The following TNFRSF9 variants were observed in gnomAD, a reference collection of about 807,000 sequenced individuals.
TNFRSF9 encodes the protein TNF receptor superfamily member 9.
Under a neutral mutation model 28.8 loss-of-function variants are expected in TNFRSF9, and 16 were observed. That is an observed-to-expected ratio of 0.55 (90% CI 0.38 to 0.84). The LOEUF (loss-of-function observed/expected upper bound fraction) is 0.84, where lower values mean the gene tolerates loss of function less well. Ranked by LOEUF, TNFRSF9 falls within the 40% of genes least tolerant of loss-of-function variation. The pLI is 0.00. For missense variants in TNFRSF9, 303 were observed against 315.0 expected (o/e 0.96, Z 0.29); for synonymous variants, 131 against 117.0 (o/e 1.12, Z -0.77).
chr1:7,940,440 A>C lies in TNFRSF9; in HGVS notation c.-85+344T>G, dbSNP rs894352365. ...CTGAAATAAACTCCTTACAAAGAGA[A>C]TCTGTCAGGGGCATCAGACAATTCA... On this transcript the variant is annotated intron_variant, in intron 1 of 7. Coordinates refer to ENST00000377507, the MANE Select transcript of TNFRSF9 (RefSeq NM_001561.6). Among the ~76,000 whole-genome samples the C allele has an allele frequency of 3.9e-5, 6 of 152,346 alleles. No homozygotes were observed. In the South Asian group the frequency reaches 1.2e-3, roughly 32 times the overall value.
chr1:7,924,987 T>G (rs1639622532), intron 7 of TNFRSF9, among the ~76,000 whole-genome samples: 1 of 152,276 alleles, frequency 6.6e-6, no homozygotes, highest in East Asian at 1.9e-4. Flanking sequence ...TAAGAGTTAT[T>G]ACAAAAGAGT....
At chr1:7,934,970 A>G in intron 6 of TNFRSF9, 43 bp downstream of exon 6, 2 of 1,606,432 alleles carry the variant, frequency 1.2e-6, no homozygotes, top group Non-Finnish European at 1.7e-6. Flanking sequence ...ATCTGGAATC[A>G]CCATAAGATA....
intron 7 of TNFRSF9, among the ~76,000 whole-genome samples, chr1:7,922,988 C>T (rs529780386): frequency 6.6e-6 from 1 of 151,222 alleles, no homozygotes; most frequent in Admixed American, 6.6e-5. Flanking sequence ...CTGCAACCTC[C>T]GCCTCTTGGG....
intron 7 of TNFRSF9, 23 bp from the exon 8 acceptor site, chr1:7,920,946 C>T (rs370323408): frequency 3.3e-5 from 51 of 1,524,508 alleles, no homozygotes; most frequent in Non-Finnish European, 4.4e-5. Flanking sequence ...TTTTAAGATA[C>T]GTATATTTTG....
rs575433053 is a variant in TNFRSF9 at position 7,931,057 on chromosome 1, A to G, written c.679+2105T>C. On this transcript the variant is annotated intron_variant, in intron 7 of 7. Transcript: ENST00000377507. Reference sequence around the variant, plus strand: ...AACCTCACTAGCAACCAGGAAGTGTAAGTTAAAACCACAATGAGATACAAC... The same window carrying G: ...AACCTCACTAGCAACCAGGAAGTGTGAGTTAAAACCACAATGAGATACAAC... 1.2e-4 allele frequency among the ~76,000 whole-genome samples: 19 copies of G among 152,334 alleles called. No homozygotes were observed. The East Asian group carries it at 3.5e-3, about 28-fold the overall frequency.
Position 7,920,848 on chromosome 1 carries a change from C to A in TNFRSF9, c.755G>T (p.Gly252Val), listed in dbSNP as rs113310001. Residue 252 changes from glycine to valine, a missense_variant, in exon 8 of 8, where the codon GGA becomes GTA. Coordinates refer to ENST00000377507, the MANE Select transcript of TNFRSF9 (RefSeq NM_001561.6). ...TTGACTTCCATTTCACAGTTCACAT[C>A]CTCCTTCTTCTTCTTCTGGAAATCG... ...SCRFPEEEEG[G>V]CEL The A allele has an allele frequency of 1.2e-6, 2 of 1,613,404 alleles. No individual in the cohort carries two copies. Among genetic ancestry groups the A allele is most frequent in the African/African-American group, 1.3e-5 (1 of 74,932 alleles).
intron 7 of TNFRSF9, among the ~76,000 whole-genome samples, chr1:7,932,944 G>C (rs964266855): frequency 6.6e-6 from 1 of 152,104 alleles, no homozygotes; most frequent in South Asian, 2.1e-4. Flanking sequence ...CTACTCACTA[G>C]ATGCAATAGC....
chr1:7,920,822 A>G lies in TNFRSF9; in HGVS notation c.*13T>C. The G allele has an allele frequency of 1.9e-6, 3 of 1,607,722 alleles. No individual in the cohort carries two copies. Among genetic ancestry groups the G allele is most frequent in the African/African-American group, 1.3e-5 (1 of 74,846 alleles). ...TTTTCAAGAAAGTCCCAACAGCCCTATTGACTTCCATTTCACAGTTCACAT... is the reference window on the plus strand; with the variant it reads ...TTTTCAAGAAAGTCCCAACAGCCCTGTTGACTTCCATTTCACAGTTCACAT... On this transcript the variant is annotated 3_prime_UTR_variant, in exon 8 of 8. Transcript: ENST00000377507.
Position 7,920,020 on chromosome 1 carries a change from A to G in TNFRSF9, c.*815T>C, listed in dbSNP as rs962917235. The G allele has an allele frequency of 1.3e-5, 2 of 152,264 alleles. No individual in the cohort carries two copies. Among genetic ancestry groups the G allele is most frequent in the Non-Finnish European group, 2.9e-5 (2 of 68,052 alleles). The allele number at this position is 152,264 out of a possible 1,614,324, so 9.4% of individuals were successfully genotyped here. Reference sequence around the variant, plus strand: ...CTTTCCAAAACTTCCTCCAGGCCTGAGGTTTTTTGTCCTTGACCCTAAACT... The same window carrying G: ...CTTTCCAAAACTTCCTCCAGGCCTGGGGTTTTTTGTCCTTGACCCTAAACT... On this transcript the variant is annotated 3_prime_UTR_variant, in exon 8 of 8. Coordinates refer to ENST00000377507, the MANE Select transcript of TNFRSF9 (RefSeq NM_001561.6).
chr1:7,928,904 A>G (rs1639691199), intron 7 of TNFRSF9, among the ~76,000 whole-genome samples: 1 of 152,028 alleles, frequency 6.6e-6, no homozygotes, highest in African/African-American at 2.4e-5. Context: ...CAATAACAAC[A>G]AAAAACCAAA....
chr1:7,932,051 C>T (rs573367608), intron 7 of TNFRSF9, among the ~76,000 whole-genome samples: 9 of 152,226 alleles, frequency 5.9e-5, no homozygotes, highest in African/African-American at 9.6e-5. Context: ...GCAGGAGAAT[C>T]GCTTGAACCC....
chr1:7,922,716 G>A (rs1449596408), intron 7 of TNFRSF9, among the ~76,000 whole-genome samples: 2 of 151,754 alleles, frequency 1.3e-5, no homozygotes, highest in African/African-American at 4.8e-5. Flanking sequence ...GGAGTCTGAG[G>A]CAGGACAATG....
chr1:7,940,093 C>T lies in TNFRSF9; in HGVS notation c.-84-15G>A, dbSNP rs112814065. 2.4e-5 allele frequency: 19 copies of T among 799,202 alleles called. No individual in the cohort carries two copies. The highest frequency in any genetic ancestry group is 2.0e-4 in the African/African-American group (12 of 59,502). 49.5% of individuals were successfully genotyped at this position (799,202 alleles called of 1,614,324 possible). A position where few individuals can be genotyped will look rare whatever the true frequency, so the allele number is the denominator to read the frequency against. Reference sequence around the variant, plus strand: ...CAAATGTCACTCTGCAAAAGATAAACATTTCCAAGGAAAGGTGGTTTCTCC... The same window carrying T: ...CAAATGTCACTCTGCAAAAGATAAATATTTCCAAGGAAAGGTGGTTTCTCC... On this transcript the variant is annotated splice_polypyrimidine_tract_variant and intron_variant, in intron 1 of 7. Coordinates refer to ENST00000377507, the MANE Select transcript of TNFRSF9 (RefSeq NM_001561.6).
Position 7,917,854 on chromosome 1 carries a change from T to G in TNFRSF9, c.*2981A>C, listed in dbSNP as rs887408617. On this transcript the variant is annotated 3_prime_UTR_variant, in exon 8 of 8. Transcript: ENST00000377507. ...TGAGCTCAGGAGTTCAAGACCAGCC[T>G]GGGCAACATAATGAAACCTCAGAAA... 8 of 151,110 alleles carry G rather than the reference T, an allele frequency of 5.3e-5. No individual in the cohort carries two copies. Among genetic ancestry groups the G allele is most frequent in the African/African-American group, 1.9e-4 (8 of 41,110 alleles). 9.4% of individuals were successfully genotyped at this position (151,110 alleles called of 1,614,324 possible). A position where few individuals can be genotyped will look rare whatever the true frequency, so the allele number is the denominator to read the frequency against.
intron 7 of TNFRSF9, among the ~76,000 whole-genome samples, chr1:7,921,467 A>G (rs1578069035): frequency 6.6e-6 from 1 of 151,974 alleles, no homozygotes; most frequent in Admixed American, 6.6e-5. Flanking sequence ...GGAGTTCAAG[A>G]CCAGCCTGGC....
intron 7 of TNFRSF9, among the ~76,000 whole-genome samples, chr1:7,925,413 A>G (rs559677179): frequency 3.3e-5 from 5 of 152,284 alleles, no homozygotes; most frequent in African/African-American, 1.2e-4. Context: ...TTAAGTGTAC[A>G]GTGTTTATAA....
intron 5 of TNFRSF9, chr1:7,936,542 C>T (rs915688471): frequency 2.6e-5 from 4 of 152,308 alleles, no homozygotes; most frequent in African/African-American, 7.2e-5. Context: ...AATCATGATT[C>T]CATTCGTCAG....
intron 7 of TNFRSF9, among the ~76,000 whole-genome samples, chr1:7,924,097 A>C (rs897695768): frequency 5.9e-5 from 9 of 152,072 alleles, no homozygotes; most frequent in African/African-American, 2.2e-4. Context: ...TCCAACCATC[A>C]TAACATTGCA....
chr1:7,937,685 C>T lies in TNFRSF9; in HGVS notation c.413+5G>A, dbSNP rs749035558. On this transcript the variant is annotated splice_donor_5th_base_variant and intron_variant, in intron 5 of 7. Coordinates refer to ENST00000377507, the MANE Select transcript of TNFRSF9 (RefSeq NM_001561.6). ...ATTCCATAAACTAAAGGAAATTATACGTACTTTGTCCAGGGTCGACAGATG... is the reference window on the plus strand; with the variant it reads ...ATTCCATAAACTAAAGGAAATTATATGTACTTTGTCCAGGGTCGACAGATG... 14 of 1,611,066 alleles carry T rather than the reference C, an allele frequency of 8.7e-6. No homozygotes were observed. The highest frequency in any genetic ancestry group is 3.3e-5 in the Admixed American group (2 of 59,948).
Sources: gnomAD v4.1 joint callset for allele counts (sites outside exome capture counted in the v4.1 genomes callset) on GRCh38, gnomAD v4.1.1 for gene constraint, MANE v1.5 for transcripts, NCBI Gene and HGNC (gene_info 2026-07-23, HGNC 2026-07-21) for gene names.